CLSTN2: variants seen among roughly 807,000 people sequenced by gnomAD.
CLSTN2 encodes the protein calsyntenin 2.
Under a neutral mutation model 101.2 loss-of-function variants are expected in CLSTN2, and 48 were observed. That is an observed-to-expected ratio of 0.47 (90% CI 0.38 to 0.60). The LOEUF (loss-of-function observed/expected upper bound fraction) is 0.60. Ranked by LOEUF, CLSTN2 falls within the 20% of genes least tolerant of loss-of-function variation. The pLI is 0.00. For synonymous variants in CLSTN2, 481 were observed against 463.6 expected (o/e 1.04, Z -0.48); for missense variants, 1,160 against 1,238.2 (o/e 0.94, Z 0.95).
At chr3:140,435,647 C>T (rs1428644284) in intron 5 of CLSTN2, among the ~76,000 whole-genome samples, 2 of 152,122 alleles carry the variant, frequency 1.3e-5, no homozygotes, top group Admixed American at 6.5e-5. Flanking sequence ...ATCTCAAAAC[C>T]GTTCTCCATA....
chr3:140,193,885 T>C (rs994518660), intron 2 of CLSTN2, among the ~76,000 whole-genome samples: 1 of 152,198 alleles, frequency 6.6e-6, no homozygotes, highest in African/African-American at 2.4e-5. Flanking sequence ...TCCTGTGCAT[T>C]GATTCTTTCC....
intron 11 of CLSTN2, 82 bp from the exon 12 acceptor site, chr3:140,558,558 G>A: frequency 8.8e-7 from 1 of 1,130,180 alleles, no homozygotes; most frequent in Non-Finnish European, 1.3e-6. Context: ...AGAACTGGAG[G>A]TGGCAACCCC....
intron 2 of CLSTN2, among the ~76,000 whole-genome samples, chr3:140,352,221 C>G: frequency 6.6e-6 from 1 of 152,180 alleles, no homozygotes; most frequent in East Asian, 1.9e-4. Flanking sequence ...GTTATCATTA[C>G]TATTCTTTAT....
intron 5 of CLSTN2, among the ~76,000 whole-genome samples, chr3:140,429,265 C>A (rs347331): frequency 6.6e-6 from 1 of 151,742 alleles, no homozygotes; most frequent in Admixed American, 6.6e-5. Context: ...GCTGGGGATA[C>A]GGGTAGGATC....
intron 8 of CLSTN2, among the ~76,000 whole-genome samples, chr3:140,478,095 C>T (rs1399303788): frequency 6.6e-6 from 1 of 152,146 alleles, no homozygotes; most frequent in African/African-American, 2.4e-5. Flanking sequence ...CCTTATGATA[C>T]TTATTTATTC....
At chr3:140,106,355 T>G (rs1215075408) in intron 1 of CLSTN2, among the ~76,000 whole-genome samples, 3 of 152,160 alleles carry the variant, frequency 2.0e-5, no homozygotes, top group Admixed American at 1.3e-4. Context: ...AAAGGCTTCT[T>G]CCCATTGACA....
chr3:140,017,681 C>T (rs918413501), intron 1 of CLSTN2, among the ~76,000 whole-genome samples: 3 of 152,224 alleles, frequency 2.0e-5, no homozygotes, highest in Non-Finnish European at 2.9e-5. Context: ...GGTGGAGTGA[C>T]TCCTTTCCAA....
At chr3:139,996,483 G>A (rs1189735592) in intron 1 of CLSTN2, among the ~76,000 whole-genome samples, 1 of 151,756 alleles carries the variant, frequency 6.6e-6, no homozygotes, top group African/African-American at 2.4e-5. Flanking sequence ...TCTGCCTCCC[G>A]GGTTCATGCC....
At position 140,323,498 on chromosome 3, in the gene CLSTN2, T is replaced by C. The variant is rs187325321; in HGVS notation, c.233-80131T>C. 1.4e-3 allele frequency among the ~76,000 whole-genome samples: 214 copies of C among 152,320 alleles called. 1 individual carries two copies. Among genetic ancestry groups the C allele is most frequent in the African/African-American group, 5.0e-3 (208 of 41,556 alleles). On this transcript the variant is annotated intron_variant, in intron 2 of 16. Transcript: ENST00000458420. ...CTCTTCAGCCTCATAGATAAAATGA[T>C]TGGCATTCTTCACTTCTGTAATCCG...
chr3:139,944,479 A>T (rs1003895608), intron 1 of CLSTN2, among the ~76,000 whole-genome samples: 2 of 152,242 alleles, frequency 1.3e-5, no homozygotes, highest in Admixed American at 1.3e-4. Flanking sequence ...TGCTTCTGCC[A>T]ACTAAGTGGT....
intron 9 of CLSTN2, among the ~76,000 whole-genome samples, chr3:140,541,968 C>T (rs1230853369): frequency 6.6e-6 from 1 of 152,042 alleles, no homozygotes; most frequent in Non-Finnish European, 1.5e-5. Flanking sequence ...GAGCTAGAAG[C>T]CAGGGTGTAT....
chr3:140,260,717 T>C (rs1237689403), intron 2 of CLSTN2, among the ~76,000 whole-genome samples: 1 of 152,200 alleles, frequency 6.6e-6, no homozygotes, highest in Non-Finnish European at 1.5e-5. Flanking sequence ...TTAATGTTTT[T>C]CTAATGTTCT....
intron 2 of CLSTN2, among the ~76,000 whole-genome samples, chr3:140,247,439 A>G (rs2086527308): frequency 6.6e-6 from 1 of 152,196 alleles, no homozygotes; most frequent in Admixed American, 6.5e-5. Context: ...GCATCCTTAT[A>G]GTGCCCAGAA....
intron 2 of CLSTN2, among the ~76,000 whole-genome samples, chr3:140,240,278 A>G (rs1437833180): frequency 2.0e-5 from 1 of 49,784 alleles, no homozygotes; most frequent in Non-Finnish European, 4.2e-5. Context: ...ATATACACAT[A>G]TATACATATA....
chr3:139,964,816 G>T (rs997668926), intron 1 of CLSTN2, among the ~76,000 whole-genome samples: 2 of 152,178 alleles, frequency 1.3e-5, no homozygotes, highest in African/African-American at 4.8e-5. Context: ...TTTGCTGGTT[G>T]CATGCAGTGC....
At chr3:140,343,890 G>A (rs1462321254) in intron 2 of CLSTN2, among the ~76,000 whole-genome samples, 2 of 152,140 alleles carry the variant, frequency 1.3e-5, no homozygotes, top group African/African-American at 4.8e-5. Context: ...TAGCTGGTTT[G>A]GTAATTCAAC....
intron 1 of CLSTN2, among the ~76,000 whole-genome samples, chr3:140,170,077 AAT>A (rs2010189159): frequency 6.6e-6 from 1 of 152,200 alleles, no homozygotes; most frequent in Admixed American, 6.5e-5. Flanking sequence ...AGGAAACAAA[AAT>A]ATACAAGGGA....
chr3:139,990,545 A>G (rs1936097545), intron 1 of CLSTN2, among the ~76,000 whole-genome samples: 1 of 152,262 alleles, frequency 6.6e-6, no homozygotes. Context: ...CAAAGAGGTC[A>G]TTCACTATGT....
intron 1 of CLSTN2, among the ~76,000 whole-genome samples, chr3:140,172,428 T>C (rs941777971): frequency 5.9e-5 from 9 of 151,860 alleles, no homozygotes; most frequent in Admixed American, 3.3e-4. Flanking sequence ...AAACAAGACA[T>C]AGAAGGGGAA....
Sources: gnomAD v4.1 joint callset for allele counts (sites outside exome capture counted in the v4.1 genomes callset) on GRCh38, gnomAD v4.1.1 for gene constraint, MANE v1.5 for transcripts, NCBI Gene and HGNC (gene_info 2026-07-23, HGNC 2026-07-21) for gene names.